The following RBM33 variants were observed in gnomAD, a reference collection of about 807,000 sequenced individuals.
RBM33 encodes RNA-binding protein 33.
RBM33 carries 28 observed loss-of-function variants against 132.6 expected under a neutral mutation model. That is an observed-to-expected ratio of 0.21 (90% CI 0.16 to 0.29). The LOEUF (loss-of-function observed/expected upper bound fraction) is 0.29. Among genes scored for constraint, RBM33 ranks in the 10% least tolerant of loss-of-function variants. The pLI is 1.00. For missense variants in RBM33, 1,291 were observed against 1,518.5 expected (o/e 0.85, Z 2.49); for synonymous variants, 634 against 593.0 (o/e 1.07, Z -1.01).
chr7:155,748,496 T>C (rs10247393), intron 14 of RBM33, among the ~76,000 whole-genome samples: 279 of 152,368 alleles, frequency 1.8e-3, no homozygotes, highest in African/African-American at 5.2e-3. Context: ...TACTATGATA[T>C]ACAATTTAAT....
chr7:155,676,541 T>C (rs1266460007), intron 3 of RBM33, among the ~76,000 whole-genome samples: 1 of 152,212 alleles, frequency 6.6e-6, no homozygotes, highest in Non-Finnish European at 1.5e-5. Context: ...AGAGAACCAT[T>C]CTTTTTCTTT....
chr7:155,738,515 A>G, intron 11 of RBM33, 112 bp downstream of exon 11: 2 of 1,050,118 alleles, frequency 1.9e-6, no homozygotes, highest in South Asian at 3.3e-5. Flanking sequence ...TATTTAAAGA[A>G]TAGAGTATTA....
rs568601142 is a variant in RBM33, at chr7:155,731,404, G to C, written c.1261-6126G>C. 4.6e-5 allele frequency among the ~76,000 whole-genome samples: 7 copies of C among 152,272 alleles called. No individual in the cohort carries two copies. The East Asian group carries it at 1.3e-3, about 29-fold the overall frequency. Reference sequence around the variant, plus strand: ...AATTAGGCACAATAAGAGATGAACAGCAATAGCTAATCATACAATAAAACA... The same window carrying C: ...AATTAGGCACAATAAGAGATGAACACCAATAGCTAATCATACAATAAAACA... On this transcript the variant is annotated intron_variant, in intron 9 of 17. Coordinates refer to ENST00000401878, the MANE Select transcript of RBM33 (RefSeq NM_053043.3).
intron 8 of RBM33, among the ~76,000 whole-genome samples, chr7:155,714,968 A>G (rs1372413652): frequency 1.3e-5 from 2 of 152,162 alleles, no homozygotes; most frequent in Non-Finnish European, 2.9e-5. Context: ...GGTCACCACC[A>G]GGCCACTGGG....
intron 14 of RBM33, among the ~76,000 whole-genome samples, chr7:155,753,529 C>T (rs1343527070): frequency 2.6e-5 from 4 of 152,142 alleles, no homozygotes; most frequent in African/African-American, 7.2e-5. Flanking sequence ...TCTGGCAGCG[C>T]CTGGGAGTGG....
chr7:155,654,892 C>T (rs1798451079), intron 1 of RBM33, among the ~76,000 whole-genome samples: 1 of 152,126 alleles, frequency 6.6e-6, no homozygotes, highest in Non-Finnish European at 1.5e-5. Flanking sequence ...CACAGATAAA[C>T]ATTGGTGGTG....
chr7:155,730,574 G>A (rs1800927478), intron 9 of RBM33, among the ~76,000 whole-genome samples: 1 of 152,236 alleles, frequency 6.6e-6, no homozygotes, highest in South Asian at 2.1e-4. Context: ...GCTCAAGGCT[G>A]TAGCTGGTAA....
At chr7:155,768,209 C>T (rs1285807694) in intron 16 of RBM33, among the ~76,000 whole-genome samples, 2 of 152,224 alleles carry the variant, frequency 1.3e-5, no homozygotes, top group African/African-American at 4.8e-5. Context: ...ATCGAGTTGT[C>T]AAGATCCATA....
At chr7:155,728,491 G>C (rs975714742) in intron 9 of RBM33, among the ~76,000 whole-genome samples, 13 of 152,102 alleles carry the variant, frequency 8.5e-5, no homozygotes, top group African/African-American at 3.1e-4. Flanking sequence ...GTCAGAAATT[G>C]CCTTGTTTAC....
intron 1 of RBM33, among the ~76,000 whole-genome samples, chr7:155,655,958 T>C (rs1211283292): frequency 6.6e-6 from 1 of 152,212 alleles, no homozygotes; most frequent in Non-Finnish European, 1.5e-5. Context: ...TCTTATTTCT[T>C]CTGTAGAACA....
At chr7:155,692,697 ATGG>A (rs1342334108) in intron 5 of RBM33, among the ~76,000 whole-genome samples, 1 of 152,194 alleles carries the variant, frequency 6.6e-6, no homozygotes, top group Non-Finnish European at 1.5e-5. Flanking sequence ...CTTCCGTGAA[ATGG>A]TGGCCAACTA....
intron 8 of RBM33, among the ~76,000 whole-genome samples, chr7:155,715,325 G>A (rs1221450248): frequency 1.3e-5 from 2 of 152,150 alleles, no homozygotes; most frequent in Non-Finnish European, 2.9e-5. Flanking sequence ...TGTTATTCTT[G>A]TGCATTTCCT....
intron 9 of RBM33, among the ~76,000 whole-genome samples, chr7:155,721,141 AG>A (rs1800613042): frequency 2.5e-5 from 2 of 81,414 alleles, no homozygotes; most frequent in Non-Finnish European, 4.5e-5. Flanking sequence ...CTGTGCTCGT[AG>A]TAGTGCATAT....
chr7:155,647,818 G>A (rs1798243765), intron 1 of RBM33, among the ~76,000 whole-genome samples: 1 of 152,182 alleles, frequency 6.6e-6, no homozygotes, highest in Non-Finnish European at 1.5e-5. Flanking sequence ...AATGACAACT[G>A]TTATTTATTG....
At chr7:155,704,809 T>C (rs1185516250) in intron 6 of RBM33, among the ~76,000 whole-genome samples, 1 of 152,188 alleles carries the variant, frequency 6.6e-6, no homozygotes, top group African/African-American at 2.4e-5. Flanking sequence ...AATAATATCA[T>C]TAATTTCAGA....
At chr7:155,763,755 G>A (rs1434784196) in intron 14 of RBM33, 57 bp from the exon 15 acceptor site, 6 of 1,515,406 alleles carry the variant, frequency 4.0e-6, no homozygotes, top group Non-Finnish European at 9.0e-7. Flanking sequence ...TAATGCTGGG[G>A]AGGAGCTTTT....
chr7:155,743,917 A>G (rs1801431809), intron 13 of RBM33, among the ~76,000 whole-genome samples: 1 of 152,084 alleles, frequency 6.6e-6, no homozygotes, highest in Non-Finnish European at 1.5e-5. Flanking sequence ...CTTGCTCTGT[A>G]TGCCTACCCT....
intron 9 of RBM33, among the ~76,000 whole-genome samples, chr7:155,720,986 A>G (rs536859294): frequency 6.6e-6 from 1 of 152,216 alleles, no homozygotes; most frequent in Non-Finnish European, 1.5e-5. Context: ...GCAAAAATAG[A>G]TTTGAATTCA....
chr7:155,744,910 T>TG, intron 13 of RBM33, 51 bp from the exon 14 acceptor site: 1 of 1,482,864 alleles, frequency 6.7e-7, no homozygotes, highest in Non-Finnish European at 9.0e-7. Context: ...AAATAGACTA[T>TG]GGGCACCTTG....
Sources: allele counts gnomAD v4.1 joint callset (sites outside exome capture counted in the v4.1 genomes callset), GRCh38; gene constraint gnomAD v4.1.1; transcripts MANE v1.5; gene names NCBI Gene and HGNC (gene_info 2026-07-23, HGNC 2026-07-21).